The following EXOC2 variants were observed in gnomAD, a reference collection of about 807,000 sequenced individuals.
EXOC2 encodes the protein exocyst complex component 2.
A neutral mutation model predicts 131.8 loss-of-function variants in EXOC2; 70 were observed. That is an observed-to-expected ratio of 0.53 (90% CI 0.44 to 0.65). The LOEUF (loss-of-function observed/expected upper bound fraction) is 0.65. EXOC2 is among the 30% of genes least tolerant of loss of function. The pLI is 0.00. For synonymous variants in EXOC2, 411 were observed against 398.4 expected, an observed-to-expected ratio of 1.03 and a Z score of -0.38; for missense variants, 923 against 1,108.6, an observed-to-expected ratio of 0.83 and a Z score of 2.38.
At chr6:678,047 T>C (rs1034453607) in intron 1 of EXOC2, among the ~76,000 whole-genome samples, 3 of 152,134 alleles carry the variant, frequency 2.0e-5, no homozygotes, top group Non-Finnish European at 2.9e-5. Flanking sequence ...TGACCAGTTC[T>C]TCAGTGTGAC....
chr6:616,698 A>G (rs1761031043), intron 6 of EXOC2, among the ~76,000 whole-genome samples: 1 of 151,750 alleles, frequency 6.6e-6, no homozygotes, highest in African/African-American at 2.4e-5. Context: ...TTGGAGGTCA[A>G]TTAAGTATAT....
intron 22 of EXOC2, among the ~76,000 whole-genome samples, chr6:536,365 A>G (rs1435342901): frequency 6.6e-6 from 1 of 152,206 alleles, no homozygotes; most frequent in Non-Finnish European, 1.5e-5. Flanking sequence ...ATACAATACC[A>G]TAAAAAATAA....
chr6:611,423 A>C lies in EXOC2; in HGVS notation c.662-1245T>G, dbSNP rs548023174. Among the ~76,000 whole-genome samples the C allele has an allele frequency of 7.2e-5, 11 of 152,370 alleles. No individual in the cohort carries two copies. In the South Asian group the frequency reaches 1.9e-3, roughly 26 times the overall value. The stretch of plus-strand genomic sequence containing the variant: ...GCCCTGCTCCACAGGTTGCTTTCTA[A>C]GTCAAAATTAGCATTAAAGGAAATC... On this transcript the variant is annotated intron_variant, in intron 6 of 27. Transcript: ENST00000230449.
intron 1 of EXOC2, among the ~76,000 whole-genome samples, chr6:688,710 AG>A (rs1562018560): frequency 6.6e-6 from 1 of 152,124 alleles, no homozygotes; most frequent in Non-Finnish European, 1.5e-5. Context: ...GGTTACTGTT[AG>A]CTTCCCTTTG....
chr6:523,688 A>G (rs893248502), intron 23 of EXOC2, among the ~76,000 whole-genome samples: 15 of 152,312 alleles, frequency 9.8e-5, no homozygotes, highest in African/African-American at 3.6e-4. Flanking sequence ...TTTTAAAAAA[A>G]TTGTTTGTTT....
At chr6:563,182 G>GT (rs1483827356) in intron 16 of EXOC2, among the ~76,000 whole-genome samples, 1 of 152,192 alleles carries the variant, frequency 6.6e-6, no homozygotes, top group Non-Finnish European at 1.5e-5. Context: ...AAGTCATACA[G>GT]TATTTTTTTT....
intron 13 of EXOC2, among the ~76,000 whole-genome samples, chr6:570,397 T>G (rs1758212847): frequency 6.6e-6 from 1 of 152,160 alleles, no homozygotes; most frequent in Non-Finnish European, 1.5e-5. Flanking sequence ...CCTCCCAAAG[T>G]GCTGGGATTA....
At chr6:566,504 C>T (rs915568797) in intron 13 of EXOC2, among the ~76,000 whole-genome samples, 11 of 152,260 alleles carry the variant, frequency 7.2e-5, no homozygotes, top group South Asian at 2.1e-4. Flanking sequence ...AACGCACGCC[C>T]GCTCGGCTAA....
At chr6:651,988 G>A (rs1195308023) in intron 1 of EXOC2, among the ~76,000 whole-genome samples, 1 of 149,528 alleles carries the variant, frequency 6.7e-6, no homozygotes, top group Non-Finnish European at 1.5e-5. Flanking sequence ...CCCGGGAGGC[G>A]AAGGTTGCAG....
At chr6:543,870 G>A (rs1040938286) in intron 22 of EXOC2, among the ~76,000 whole-genome samples, 3 of 152,176 alleles carry the variant, frequency 2.0e-5, no homozygotes, top group African/African-American at 4.8e-5. Context: ...CAGGGAGGAC[G>A]TCTGGTAGGA....
At chr6:652,084 C>T (rs1762861157) in intron 1 of EXOC2, among the ~76,000 whole-genome samples, 1 of 151,422 alleles carries the variant, frequency 6.6e-6, no homozygotes, top group African/African-American at 2.4e-5. Context: ...TCACAAACAG[C>T]TCTGAAAATA....
At chr6:645,237 A>AT (rs1201998172) in intron 1 of EXOC2, among the ~76,000 whole-genome samples, 51 of 151,872 alleles carry the variant, frequency 3.4e-4, no homozygotes, top group African/African-American at 1.1e-3. Flanking sequence ...GGATAGCTAC[A>AT]TAAAAAAAAA....
At chr6:525,649 A>T (rs1765697209) in intron 23 of EXOC2, 2 of 152,164 alleles carry the variant, frequency 1.3e-5, no homozygotes, top group South Asian at 2.1e-4. Context: ...TTCTTTTTTT[A>T]AAATAAAAAT....
chr6:632,874 C>A, intron 3 of EXOC2, 67 bp downstream of exon 3: 1 of 1,490,570 alleles, frequency 6.7e-7, no homozygotes. Context: ...AATCTACCAG[C>A]TTTACAGCTT....
intron 17 of EXOC2, among the ~76,000 whole-genome samples, chr6:559,987 G>A (rs1292750113): frequency 1.3e-5 from 2 of 152,082 alleles, no homozygotes; most frequent in Admixed American, 6.5e-5. Context: ...GCTTCATCTC[G>A]GGCAAGTGAT....
chr6:570,167 G>A (rs368631116), intron 13 of EXOC2, among the ~76,000 whole-genome samples: 7 of 144,544 alleles, frequency 4.8e-5, no homozygotes, highest in South Asian at 2.2e-4. Context: ...GGAGTCTCGC[G>A]CTGTCGCCCA....
At chr6:488,585 T>TA (rs758233245) in intron 27 of EXOC2, among the ~76,000 whole-genome samples, 82 of 151,024 alleles carry the variant, frequency 5.4e-4, no homozygotes, top group South Asian at 1.1e-3. Context: ...ACTCAAAAAT[T>TA]AAAAAAAAAA....
intron 21 of EXOC2, among the ~76,000 whole-genome samples, chr6:553,206 C>T (rs1231641188): frequency 6.6e-6 from 1 of 152,134 alleles, no homozygotes; most frequent in Non-Finnish European, 1.5e-5. Flanking sequence ...GCATGACAAC[C>T]GTGCCTGGCC....
chr6:554,464 T>C (rs1315011431), intron 20 of EXOC2, among the ~76,000 whole-genome samples: 1 of 152,160 alleles, frequency 6.6e-6, no homozygotes, highest in Non-Finnish European at 1.5e-5. Context: ...TAACAACCAA[T>C]TCCTGGTGAA....
Sources: gnomAD v4.1 joint callset for allele counts (sites outside exome capture counted in the v4.1 genomes callset) on GRCh38, gnomAD v4.1.1 for gene constraint, MANE v1.5 for transcripts, NCBI Gene and HGNC (gene_info 2026-07-23, HGNC 2026-07-21) for gene names.